The following MEIS1 variants were observed in gnomAD, a reference collection of about 807,000 sequenced individuals.
MEIS1 encodes the protein homeobox protein Meis1.
MEIS1 carries 5 observed loss-of-function variants against 50.8 expected under a neutral mutation model. The observed-to-expected ratio is 0.10, with a 90% CI of 0.05 to 0.21. The LOEUF is 0.21. Among genes scored for constraint, MEIS1 ranks in the 10% least tolerant of loss-of-function variants. The pLI is 1.00. For synonymous variants in MEIS1, 176 were observed against 179.3 expected (o/e 0.98, Z 0.15); for missense variants, 318 against 517.3 (o/e 0.61, Z 3.74).
intron 8 of MEIS1, among the ~76,000 whole-genome samples, chr2:66,531,150 G>A (rs1674380829): frequency 6.6e-6 from 1 of 152,238 alleles, no homozygotes; most frequent in Non-Finnish European, 1.5e-5. Flanking sequence ...ATGGGAAGGA[G>A]AGATGACTGG....
intron 8 of MEIS1, among the ~76,000 whole-genome samples, chr2:66,532,460 C>G (rs773384167): frequency 3.2e-4 from 49 of 152,022 alleles, no homozygotes; most frequent in African/African-American, 1.1e-3. Context: ...GACACTCACC[C>G]CAATTGTGCC....
In MEIS1 at chr2:66,437,829, G is replaced by A. The variant is rs1214209570; in HGVS notation, c.105G>A (p.Pro35=). 3 of 1,613,872 alleles carry A rather than the reference G, an allele frequency of 1.9e-6. No homozygotes were observed. The highest frequency in any genetic ancestry group is 1.1e-5 in the South Asian group (1 of 91,040). ...CGCATGCAGCCAGGTCCATGCAGCCGGTCCACCACCTGAACCACGGGCCTC... is the reference window on the plus strand; with the variant it reads ...CGCATGCAGCCAGGTCCATGCAGCCAGTCCACCACCTGAACCACGGGCCTC... ...GDPHAARSMQ[P]VHHLNHGPPL... Residue 35 remains proline (P), a synonymous_variant, in exon 2 of 13, where the codon CCG becomes CCA. Coordinates refer to ENST00000272369, the MANE Select transcript of MEIS1 (RefSeq NM_002398.3).
rs1675344300 is a variant in MEIS1 at position 66,566,222 on chromosome 2, TGAAA to T, written c.966-1227_966-1224del. 2.0e-5 allele frequency among the ~76,000 whole-genome samples: 3 copies of T among 152,208 alleles called. No individual in the cohort carries two copies. The South Asian group carries it at 6.2e-4, about 32-fold the overall frequency. Reference sequence around the variant, plus strand: ...TTTGTTTCAATTACTTCTCAGATAATGAAAGAACACAAGGATACAGGATATTGAG... The same window carrying T: ...TTTGTTTCAATTACTTCTCAGATAATGAACACAAGGATACAGGATATTGAG... On this transcript the variant is annotated intron_variant, in intron 9 of 12. Transcript: ENST00000272369.
chr2:66,518,234 C>A (rs776323342), intron 8 of MEIS1, among the ~76,000 whole-genome samples: 6 of 152,198 alleles, frequency 3.9e-5, no homozygotes, highest in African/African-American at 1.4e-4. Context: ...TCTGAGCACA[C>A]GACCTCTGTC....
chr2:66,519,943 T>G (rs1234570389), intron 8 of MEIS1, among the ~76,000 whole-genome samples: 2 of 152,116 alleles, frequency 1.3e-5, no homozygotes, highest in Non-Finnish European at 2.9e-5. Context: ...TATGGTCAGT[T>G]TTTATCTGTT....
chr2:66,536,756 T>C (rs894296717), intron 8 of MEIS1, among the ~76,000 whole-genome samples: 1 of 152,240 alleles, frequency 6.6e-6, no homozygotes, highest in African/African-American at 2.4e-5. Flanking sequence ...AAAACGACTA[T>C]ACATACCAGT....
chr2:66,505,067 T>A (rs1673655248), intron 7 of MEIS1, among the ~76,000 whole-genome samples: 1 of 152,226 alleles, frequency 6.6e-6, no homozygotes, highest in African/African-American at 2.4e-5. Context: ...TGCAGAGTTG[T>A]ATACTTCATA....
intron 8 of MEIS1, among the ~76,000 whole-genome samples, chr2:66,524,356 G>T (rs1379780748): frequency 6.6e-6 from 1 of 152,026 alleles, no homozygotes; most frequent in Non-Finnish European, 1.5e-5. Context: ...AAGCCCCGGA[G>T]TTCAAGACCA....
intron 7 of MEIS1, among the ~76,000 whole-genome samples, chr2:66,479,952 A>G (rs556675092): frequency 6.6e-6 from 1 of 152,208 alleles, no homozygotes; most frequent in African/African-American, 2.4e-5. Flanking sequence ...TGCTCTTAAA[A>G]TGTTGTTTTG....
At chr2:66,445,884 G>C (rs972349532) in intron 6 of MEIS1, among the ~76,000 whole-genome samples, 2 of 152,036 alleles carry the variant, frequency 1.3e-5, no homozygotes, top group Non-Finnish European at 2.9e-5. Context: ...GACACCAGTA[G>C]AAGCTGTAAT....
In MEIS1 at chr2:66,562,915, T is replaced by C. The variant is rs138110872; in HGVS notation, c.966-4538T>C. Among the ~76,000 whole-genome samples the C allele has an allele frequency of 4.6e-3, 696 of 152,328 alleles. 6 individuals carry two copies. Among genetic ancestry groups the C allele is most frequent in the African/African-American group, 0.016 (647 of 41,574 alleles). ...GCAAACTAGATTTTAAGAAACCCTA[T>C]GTTCGAATGTAAATGAAAAAGCAAA... On this transcript the variant is annotated intron_variant, in intron 9 of 12. Transcript: ENST00000272369.
At chr2:66,442,879 T>G in intron 5 of MEIS1, 23 bp from the exon 6 acceptor site, 1 of 1,570,134 alleles carries the variant, frequency 6.4e-7, no homozygotes, top group Non-Finnish European at 8.6e-7. Flanking sequence ...TATTCCCATT[T>G]TTTTATTTCT....
intron 9 of MEIS1, among the ~76,000 whole-genome samples, chr2:66,561,787 A>G (rs1170482850): frequency 6.6e-6 from 1 of 152,182 alleles, no homozygotes; most frequent in Non-Finnish European, 1.5e-5. Flanking sequence ...TTCTATGTCC[A>G]CCACTATCCT....
At chr2:66,527,868 G>A (rs1160365183) in intron 8 of MEIS1, among the ~76,000 whole-genome samples, 1 of 152,028 alleles carries the variant, frequency 6.6e-6, no homozygotes, top group South Asian at 2.1e-4. Flanking sequence ...AATATAAATG[G>A]GGTCATTAAA....
intron 9 of MEIS1, among the ~76,000 whole-genome samples, chr2:66,558,279 C>CAAAAAAA (rs59017279): frequency 0.032 from 1,817 of 56,748 alleles, no homozygotes; most frequent in Non-Finnish European, 0.035. Flanking sequence ...AACTCCATCT[C>CAAAAAAA]AAAAAAAAAA....
chr2:66,459,702 TAGAG>T lies in MEIS1; in HGVS notation c.631-4400_631-4397del, dbSNP rs1003144757. Among the ~76,000 whole-genome samples, 27 of 151,638 alleles carry T rather than the reference TAGAG, an allele frequency of 1.8e-4. 1 individual carries two copies. Among genetic ancestry groups the T allele is most frequent in the African/African-American group, 4.6e-4 (19 of 41,328 alleles). On this transcript the variant is annotated intron_variant, in intron 6 of 12. Transcript: ENST00000272369. ...GAATGGGGAGGTGGAGAGAGAGAGA[TAGAG>T]AGAGAGCGTATGAATGGCTCTCAGG...
intron 8 of MEIS1, among the ~76,000 whole-genome samples, chr2:66,520,316 TAAA>T (rs5831812): frequency 8.5e-4 from 125 of 147,528 alleles, no homozygotes; most frequent in Admixed American, 1.2e-3. Flanking sequence ...CTACTAAAAA[TAAA>T]AAAAAAAAAA....
chr2:66,471,359 G>C (rs529974013), intron 7 of MEIS1, among the ~76,000 whole-genome samples: 1 of 152,308 alleles, frequency 6.6e-6, no homozygotes, highest in South Asian at 2.1e-4. Flanking sequence ...TGTGTGACCT[G>C]TAAGTCACAA....
intron 7 of MEIS1, among the ~76,000 whole-genome samples, chr2:66,468,872 C>G (rs753400092): frequency 1.2e-4 from 18 of 152,228 alleles, no homozygotes; most frequent in Non-Finnish European, 2.1e-4. Flanking sequence ...GAAGTATTTA[C>G]AAAGGGAGCA....
Sources: allele counts gnomAD v4.1 joint callset (sites outside exome capture counted in the v4.1 genomes callset), GRCh38; gene constraint gnomAD v4.1.1; transcripts MANE v1.5; gene names NCBI Gene and HGNC (gene_info 2026-07-23, HGNC 2026-07-21).